Variants in CPHXL observed in about 807,000 individuals in gnomAD.
CPHXL encodes the protein cytoplasmic polyadenylated homeobox like, also known as cytoplasmic polyadenylated homeobox-like protein.
At chr16:75,725,249 C>T (rs936884544) in intron 1 of CPHXL, among the ~76,000 whole-genome samples, 1 of 152,048 alleles carries the variant, frequency 6.6e-6, no homozygotes, top group Non-Finnish European at 1.5e-5. Flanking sequence ...ACATTGTGCA[C>T]ATGTACCCTA....
At chr16:75,719,247 G>C (rs539579076) in intron 1 of CPHXL, among the ~76,000 whole-genome samples, 1 of 152,306 alleles carries the variant, frequency 6.6e-6, no homozygotes, top group South Asian at 2.1e-4. Flanking sequence ...GGAGTGTTGG[G>C]AAGTGGGTAC....
intron 1 of CPHXL, among the ~76,000 whole-genome samples, chr16:75,723,990 C>G (rs1959517612): frequency 6.6e-6 from 1 of 152,230 alleles, no homozygotes; most frequent in South Asian, 2.1e-4. Context: ...ACCATCTGAT[C>G]TTTGACAAAC....
intron 2 of CPHXL, among the ~76,000 whole-genome samples, chr16:75,715,757 T>C (rs1959381829): frequency 6.6e-6 from 1 of 151,954 alleles, no homozygotes; most frequent in East Asian, 1.9e-4. Flanking sequence ...AGTGCAATGG[T>C]GTGATCTCAG....
chr16:75,716,557 C>G (rs1450511986), intron 2 of CPHXL, among the ~76,000 whole-genome samples: 1 of 152,188 alleles, frequency 6.6e-6, no homozygotes, highest in East Asian at 1.9e-4. Flanking sequence ...AGCTTTCCTG[C>G]CCTCCCTGGA....
chr16:75,717,386 C>G (rs753851074), intron 2 of CPHXL, among the ~76,000 whole-genome samples: 8 of 152,182 alleles, frequency 5.3e-5, no homozygotes, highest in Non-Finnish European at 1.0e-4. Flanking sequence ...AATTTTCTCT[C>G]AAACTGGTTA....
intron 1 of CPHXL, among the ~76,000 whole-genome samples, chr16:75,723,611 C>G (rs1043192757): frequency 6.6e-6 from 1 of 152,098 alleles, no homozygotes; most frequent in Non-Finnish European, 1.5e-5. Context: ...AGGATACAAA[C>G]AAATGGAAGA....
intron 1 of CPHXL, among the ~76,000 whole-genome samples, chr16:75,718,709 A>G (rs1485391990): frequency 6.6e-6 from 1 of 152,162 alleles, no homozygotes; most frequent in Admixed American, 6.5e-5. Context: ...ACACCATCAC[A>G]TTCATTCACT....
intron 1 of CPHXL, among the ~76,000 whole-genome samples, chr16:75,721,164 A>G (rs564704789): frequency 1.2e-4 from 18 of 152,212 alleles, no homozygotes; most frequent in Non-Finnish European, 1.8e-4. Flanking sequence ...AATTGTTAAG[A>G]CCATCGAGGC....
At chr16:75,718,755 G>A (rs7187419) in intron 1 of CPHXL, among the ~76,000 whole-genome samples, 16,339 of 152,264 alleles carry the variant, frequency 0.11, 2,271 homozygotes, top group East Asian at 0.64. Context: ...AGCCACAACA[G>A]CAGGCTTAGT....
chr16:75,716,135 T>C (rs1000331942), intron 2 of CPHXL, among the ~76,000 whole-genome samples: 1 of 152,228 alleles, frequency 6.6e-6, no homozygotes, highest in Non-Finnish European at 1.5e-5. Context: ...AAAAACATTT[T>C]TCCTCTGCTC....
intron 1 of CPHXL, among the ~76,000 whole-genome samples, chr16:75,719,728 C>G (rs576962443): frequency 6.6e-6 from 1 of 152,192 alleles, no homozygotes; most frequent in South Asian, 2.1e-4. Flanking sequence ...ACTTAAATGT[C>G]CCTGTCTGAC....
At chr16:75,724,061 G>T (rs1959518561) in intron 1 of CPHXL, among the ~76,000 whole-genome samples, 1 of 152,180 alleles carries the variant, frequency 6.6e-6, no homozygotes, top group African/African-American at 2.4e-5. Flanking sequence ...TGGGAAAGTT[G>T]GCTAGCCATA....
chr16:75,715,421 C>T (rs898009671), intron 2 of CPHXL, among the ~76,000 whole-genome samples, 199 bp from the exon 3 acceptor site: 6 of 152,094 alleles, frequency 3.9e-5, no homozygotes, highest in South Asian at 4.1e-4. Context: ...TCATGCATTG[C>T]GCATTTCTAG....
intron 1 of CPHXL, among the ~76,000 whole-genome samples, chr16:75,725,951 C>T (rs1035257202): frequency 6.6e-6 from 1 of 151,394 alleles, no homozygotes; most frequent in African/African-American, 2.4e-5. Context: ...AAATTATAAT[C>T]GATGACCTAA....
At chr16:75,719,641 G>A (rs1959446050) in intron 1 of CPHXL, among the ~76,000 whole-genome samples, 1 of 152,176 alleles carries the variant, frequency 6.6e-6, no homozygotes, top group Non-Finnish European at 1.5e-5. Flanking sequence ...GCAGCTCAAG[G>A]AGGCCTGCCT....
chr16:75,721,232 G>T (rs1487459940), intron 1 of CPHXL, among the ~76,000 whole-genome samples: 1 of 152,134 alleles, frequency 6.6e-6, no homozygotes, highest in African/African-American at 2.4e-5. Flanking sequence ...ATAATGACAG[G>T]ATCAAATTCA....
intron 2 of CPHXL, 125 bp downstream of exon 2, chr16:75,718,140 C>T: frequency 2.6e-6 from 1 of 390,798 alleles, no homozygotes; most frequent in East Asian, 3.6e-5. Flanking sequence ...ATCACCTGAG[C>T]CTGGAAAATG....
chr16:75,714,845 G>A lies in CPHXL; in HGVS notation c.597C>T (p.Pro199=). 2.5e-6 allele frequency: 1 copy of A among 398,678 alleles called. No individual in the cohort carries two copies. Among genetic ancestry groups the A allele is most frequent in the South Asian group, 1.3e-4 (1 of 7,858 alleles). 24.7% of individuals were successfully genotyped at this position (398,678 alleles called of 1,614,324 possible). The change falls in exon 3 of 3, where the codon CCC becomes CCT. Residue 199 remains proline, a synonymous_variant. Coordinates refer to ENST00000640559, the MANE Select transcript of CPHXL (RefSeq NM_001355613.1). ...QCSYLEKLGI[P]SQQVASQSSY... ...AACTCTGGGAGGCCACCTGTTGACT[G>A]GGAATCCCTAGTTTCTCCAGATAGG...
At chr16:75,721,900 C>G (rs1959482778) in intron 1 of CPHXL, among the ~76,000 whole-genome samples, 1 of 152,214 alleles carries the variant, frequency 6.6e-6, no homozygotes, top group Non-Finnish European at 1.5e-5. Flanking sequence ...TTATAACAAA[C>G]TGTCTCTCAG....
Sources: gnomAD v4.1 joint callset for allele counts (sites outside exome capture counted in the v4.1 genomes callset) on GRCh38, gnomAD v4.1.1 for gene constraint, MANE v1.5 for transcripts, NCBI Gene and HGNC (gene_info 2026-07-23, HGNC 2026-07-21) for gene names.